The following MAP4 variants were observed in gnomAD, a reference collection of about 807,000 sequenced individuals.
MAP4 encodes the protein microtubule associated protein 4, also known as microtubule-associated protein 4.
MAP4 carries 76 observed loss-of-function variants against 170.2 expected under a neutral mutation model. The ratio of observed to expected loss-of-function variants is 0.45; its 90% CI spans 0.37 to 0.54. MAP4 has a LOEUF of 0.54. Ranked by LOEUF, MAP4 falls within the 20% of genes least tolerant of loss-of-function variation. The pLI, the probability that MAP4 is intolerant of heterozygous loss-of-function variation, is 0.00. For missense variants in MAP4, 2,506 were observed against 2,748.0 expected, an observed-to-expected ratio of 0.91 and a Z score of 1.97; for synonymous variants, 909 against 994.5, an observed-to-expected ratio of 0.91 and a Z score of 1.62.
intron 3 of MAP4, among the ~76,000 whole-genome samples, chr3:47,942,524 T>C (rs1350524402): frequency 6.6e-6 from 1 of 152,184 alleles, no homozygotes; most frequent in Non-Finnish European, 1.5e-5. Flanking sequence ...GCTTCCCATG[T>C]AGCAGGGACT....
At chr3:48,012,773 T>G (rs181393938) in intron 1 of MAP4, among the ~76,000 whole-genome samples, 1 of 152,034 alleles carries the variant, frequency 6.6e-6, no homozygotes, top group African/African-American at 2.4e-5. Context: ...AATTATACAA[T>G]TGGAAAGTGG....
At chr3:47,957,390 C>T (rs775855102) in intron 3 of MAP4, among the ~76,000 whole-genome samples, 3 of 152,040 alleles carry the variant, frequency 2.0e-5, no homozygotes, top group Non-Finnish European at 4.4e-5. Context: ...AGGCTGGTCT[C>T]GAACTCCTAA....
At chr3:48,023,608 T>C (rs1297377905) in intron 1 of MAP4, among the ~76,000 whole-genome samples, 1 of 152,200 alleles carries the variant, frequency 6.6e-6, no homozygotes, top group Non-Finnish European at 1.5e-5. Context: ...TAAAAGACAG[T>C]ATAAGGTTTG....
chr3:47,873,006 A>AG lies in MAP4; in HGVS notation c.5758-907dup, dbSNP rs576211197. ...GAAGCGTGAGCTGTAGCCCTACTCC[A>AG]GCAAATCACTGAGCCTCTGAGCTTT... On this transcript the variant is annotated intron_variant, in intron 12 of 20. Transcript: ENST00000683076. Among the ~76,000 whole-genome samples the AG allele has an allele frequency of 7.1e-3, 1,077 of 152,306 alleles. 4 individuals are homozygous for AG. The highest frequency in any genetic ancestry group is 0.011 in the Non-Finnish European group (778 of 68,018).
chr3:47,966,902 A>G (rs1274033894), intron 3 of MAP4, among the ~76,000 whole-genome samples: 1 of 152,240 alleles, frequency 6.6e-6, no homozygotes, highest in Non-Finnish European at 1.5e-5. Flanking sequence ...AGTTTTGAAA[A>G]TCAACAAATG....
upstream of MAP4, among the ~76,000 whole-genome samples, chr3:48,016,778 A>ATTTT (rs35747048): frequency 4.1e-5 from 6 of 146,470 alleles, no homozygotes; most frequent in South Asian, 4.3e-4. Context: ...TTCTAAAGGC[A>ATTTT]TTTTTTTTTT....
At chr3:47,904,026 A>G (rs959349726) in intron 9 of MAP4, among the ~76,000 whole-genome samples, 1 of 152,214 alleles carries the variant, frequency 6.6e-6, no homozygotes, top group African/African-American at 2.4e-5. Context: ...AGTCTATTTT[A>G]TGTTTACTAA....
Position 47,909,961 on chromosome 3 carries a change from A to C in MAP4, c.4460T>G (p.Val1487Gly). Residue 1487 changes from valine (V) to glycine (G), a missense_variant, in exon 9 of 21, where the codon GTC becomes GGC. This residue lies in a region of MAP4 where 2,008 missense variants were observed against 2,206.0 expected (regional missense o/e 0.91). Transcript: ENST00000683076. ...LMVDNYTKDG[V>G]PGQERPKGPS... ...ACCCTTGGGTCTTTCTTGACCTGGG[A>C]CTCCATCTTTGGTGTAGTTATCTAC... is the stretch of plus-strand genomic sequence containing the variant. 1 of 1,613,874 alleles carries C rather than the reference A, an allele frequency of 6.2e-7. No individual in the cohort carries two copies. Among genetic ancestry groups the C allele is most frequent in the East Asian group, 2.2e-5 (1 of 44,860 alleles).
chr3:47,875,383 C>A (rs1359520350), intron 12 of MAP4, among the ~76,000 whole-genome samples: 1 of 152,178 alleles, frequency 6.6e-6, no homozygotes, highest in African/African-American at 2.4e-5. Context: ...TACCTCCAAA[C>A]AGGGAAGGGA....
At chr3:48,072,544 G>A (rs2100141547) in intron 1 of MAP4, among the ~76,000 whole-genome samples, 1 of 152,056 alleles carries the variant, frequency 6.6e-6, no homozygotes, top group South Asian at 2.1e-4. Context: ...TTTTTTTAAT[G>A]AGGCCAGAAC....
intron 1 of MAP4, among the ~76,000 whole-genome samples, chr3:48,074,029 T>C (rs1348037448): frequency 2.6e-5 from 4 of 152,066 alleles, no homozygotes; most frequent in East Asian, 3.9e-4. Flanking sequence ...TGCGGCACTA[T>C]TCACAATAGC....
In MAP4 at chr3:48,071,092, C is replaced by T. The variant is rs1342306442; in HGVS notation, c.-20+17681G>A. On this transcript the variant is annotated intron_variant, in intron 1 of 18. Coordinates refer to the MAP4 transcript ENST00000360240. ...TGAAGTACAGTGTGCTTTTAAAAAG[C>T]ATTTCTCCATGTCTCGTAATAAAGG... Among the ~76,000 whole-genome samples the T allele has an allele frequency of 2.0e-5, 3 of 152,188 alleles. No homozygotes were observed. The East Asian group carries it at 5.8e-4, about 29-fold the overall frequency.
intron 1 of MAP4, among the ~76,000 whole-genome samples, chr3:48,081,798 C>T (rs1482661135): frequency 1.3e-5 from 2 of 152,126 alleles, no homozygotes; most frequent in African/African-American, 2.4e-5. Flanking sequence ...GTAATGAGTG[C>T]ATCAAGCTCA....
chr3:47,864,171 G>A (rs1190940881), intron 17 of MAP4, among the ~76,000 whole-genome samples: 1 of 152,030 alleles, frequency 6.6e-6, no homozygotes, highest in Non-Finnish European at 1.5e-5. Context: ...AAATTGCTTT[G>A]AAACCCAGGC....
At chr3:48,060,029 C>G (rs559300028) in intron 1 of MAP4, among the ~76,000 whole-genome samples, 7 of 151,974 alleles carry the variant, frequency 4.6e-5, no homozygotes, top group African/African-American at 1.7e-4. Flanking sequence ...CTTTAAAATC[C>G]CAATCATATC....
At chr3:47,870,762 G>A (rs1244821614) in intron 15 of MAP4, 51 bp downstream of exon 15, 1 of 1,492,598 alleles carries the variant, frequency 6.7e-7, no homozygotes, top group African/African-American at 1.4e-5. Context: ...TGGAAATGGA[G>A]GGGAAGATGC....
At chr3:48,056,972 CGGGA>C (rs2100132346) in intron 1 of MAP4, among the ~76,000 whole-genome samples, 1 of 122,398 alleles carries the variant, frequency 8.2e-6, no homozygotes, top group African/African-American at 3.2e-5. Context: ...CCGCCCCGTC[CGGGA>C]GGGAGGTGGG....
At chr3:47,878,719 G>A (rs1005855496) in intron 10 of MAP4, among the ~76,000 whole-genome samples, 3 of 152,038 alleles carry the variant, frequency 2.0e-5, no homozygotes, top group Non-Finnish European at 4.4e-5. Flanking sequence ...TGTATTTTTA[G>A]TAGAGACAGG....
intron 1 of MAP4, among the ~76,000 whole-genome samples, chr3:48,031,893 A>G (rs749313657): frequency 1.4e-5 from 2 of 146,162 alleles, no homozygotes; most frequent in Non-Finnish European, 3.0e-5. Flanking sequence ...ACACACACAT[A>G]CACACACACA....
Sources: allele counts gnomAD v4.1 joint callset (sites outside exome capture counted in the v4.1 genomes callset), GRCh38; gene constraint gnomAD v4.1.1; regional missense constraint gnomAD v4.1.1; transcripts MANE v1.5; gene names NCBI Gene and HGNC (gene_info 2026-07-23, HGNC 2026-07-21).